TUBA3E: variants seen among roughly 807,000 people sequenced by gnomAD.
The protein encoded by TUBA3E is tubulin alpha-3E chain.
In TUBA3E, 21 loss-of-function variants were observed where a neutral mutation model predicts 36.7. The ratio of observed to expected loss-of-function variants is 0.57; its 90% CI spans 0.41 to 0.83. The LOEUF (loss-of-function observed/expected upper bound fraction) is 0.83, where lower values mean the gene tolerates loss of function less well. Among genes scored for constraint, TUBA3E ranks in the 40% least tolerant of loss-of-function variants. The pLI is 0.00. For missense variants in TUBA3E, 469 were observed against 604.2 expected (o/e 0.78, Z 2.35); for synonymous variants, 177 against 241.9 (o/e 0.73, Z 2.49).
chr2:130,194,998 G>A (rs1273221225), intron 3 of TUBA3E, 81 bp downstream of exon 3: 2 of 1,582,008 alleles, frequency 1.3e-6, no homozygotes, highest in African/African-American at 2.7e-5. Flanking sequence ...TCTAAGTGTT[G>A]ATAAAATGAC....
At chr2:130,195,371 G>A (rs957377523) in intron 2 of TUBA3E, 144 bp from the exon 3 acceptor site, 3 of 1,292,484 alleles carry the variant, frequency 2.3e-6, no homozygotes, top group African/African-American at 3.0e-5. Context: ...GGCAGTGTCT[G>A]GTAGAAAATG....
chr2:130,198,376 T>C lies in TUBA3E; in HGVS notation c.-16A>G. 2.2e-6 allele frequency: 3 copies of C among 1,357,062 alleles called. 1 individual carries two copies. The highest frequency in any genetic ancestry group is 1.3e-5 in the South Asian group (1 of 75,356). The allele number at this position is 1,357,062 out of a possible 1,614,324, so 84.1% of individuals were successfully genotyped here. ...GTCTTACCATGGCGAACTCCGCTGC[T>C]TCAGCCCAACGCTACTTCCAGACCT... On this transcript the variant is annotated 5_prime_UTR_variant, in exon 1 of 5. Coordinates refer to ENST00000312988, the MANE Select transcript of TUBA3E (RefSeq NM_207312.3).
At position 130,192,114 on chromosome 2, in the gene TUBA3E, T is replaced by C. The variant is rs747905324; in HGVS notation, c.1070A>G (p.Tyr357Cys). 3 of 1,595,864 alleles carry C rather than the reference T, an allele frequency of 1.9e-6. No homozygotes were observed. The highest frequency in any genetic ancestry group is 2.6e-6 in the Non-Finnish European group (3 of 1,170,192). ...CPTGFKVGIN[Y>C]QPPTVVPGGD... ...CCCGGGGACCACTGTGGGGGGCTGGTAGTTAATGCCCACCTGCCAGAGAAG... is the reference window on the plus strand; with the variant it reads ...CCCGGGGACCACTGTGGGGGGCTGGCAGTTAATGCCCACCTGCCAGAGAAG... Residue 357 changes from tyrosine to cysteine, a missense_variant, in exon 5 of 5, where the codon TAC (tyrosine) becomes TGC (cysteine). By Grantham distance (194) the Tyr-to-Cys change is radical. This residue lies in a region of TUBA3E where 296 missense variants were observed against 346.9 expected (regional missense o/e 0.85). Coordinates refer to ENST00000312988, the MANE Select transcript of TUBA3E (RefSeq NM_207312.3).
intron 1 of TUBA3E, 63 bp from the exon 2 acceptor site, chr2:130,196,434 G>T: frequency 6.4e-7 from 1 of 1,568,516 alleles, no homozygotes; most frequent in Non-Finnish European, 8.6e-7. Flanking sequence ...TATATGGCAT[G>T]CAAAATATTC....
intron 3 of TUBA3E, among the ~76,000 whole-genome samples, chr2:130,194,765 C>T (rs1337647216): frequency 1.3e-5 from 2 of 152,160 alleles, no homozygotes; most frequent in African/African-American, 4.8e-5. Flanking sequence ...GCAACCTCCA[C>T]CTTCCGAGTT....
intron 2 of TUBA3E, among the ~76,000 whole-genome samples, chr2:130,195,653 G>A (rs2104753621): frequency 1.3e-5 from 2 of 152,352 alleles, no homozygotes; most frequent in Admixed American, 1.3e-4. Context: ...AGGCTTTCAG[G>A]TGATGCTGTC....
In TUBA3E at chr2:130,192,030, G is replaced by A. The variant is rs781384429; in HGVS notation, c.1154C>T (p.Ala385Val). The change falls in exon 5 of 5, where the codon GCG becomes GTG. Residue 385 changes from alanine (A) to valine (V), a missense_variant. This residue lies in a region of TUBA3E where 296 missense variants were observed against 346.9 expected (regional missense o/e 0.85). Transcript: ENST00000312988. ...ATGGACCAGGCGGGCCCAGGCCTCC[G>A]CAATGGCCGTGGTGTTGCTCAGCAT... is the stretch of plus-strand genomic sequence containing the variant. ...VCMLSNTTAI[A>V]EAWARLVHKF... 113 of 1,614,036 alleles carry A rather than the reference G, an allele frequency of 7.0e-5. 1 individual carries two copies. The South Asian group carries it at 1.1e-3, about 15-fold the overall frequency.
chr2:130,195,319 T>C, intron 2 of TUBA3E, 92 bp from the exon 3 acceptor site: 1 of 1,524,376 alleles, frequency 6.6e-7, no homozygotes, highest in Non-Finnish European at 8.8e-7. Flanking sequence ...ACAGAGCACA[T>C]GCTGTTCAAA....
At position 130,195,889 on chromosome 2, in the gene TUBA3E, GC is replaced by G. The variant is rs996541435; in HGVS notation, c.226+259del. ...GGGCCACCTGAGCAGGGCTGAGGCA[GC>G]CATGAGGGAATCTCTTCACAGCCCA... On this transcript the variant is annotated intron_variant, in intron 2 of 4. Coordinates refer to ENST00000312988, the MANE Select transcript of TUBA3E (RefSeq NM_207312.3). 1.2e-4 allele frequency among the ~76,000 whole-genome samples: 18 copies of G among 152,178 alleles called. 1 individual carries two copies. The highest frequency in any genetic ancestry group is 4.3e-4 in the African/African-American group (18 of 41,432).
intron 4 of TUBA3E, 39 bp from the exon 5 acceptor site, chr2:130,192,166 T>C (rs1470808343): frequency 1.3e-6 from 2 of 1,563,924 alleles, no homozygotes; most frequent in South Asian, 1.2e-5. Context: ...GTGAAGCTTA[T>C]ATCAAACCTA....
intron 4 of TUBA3E, among the ~76,000 whole-genome samples, chr2:130,192,491 G>A (rs985696087): frequency 6.6e-6 from 1 of 152,186 alleles, no homozygotes; most frequent in Non-Finnish European, 1.5e-5. Context: ...CACCCAGATA[G>A]ATTCAGAGTA....
At position 130,191,912 on chromosome 2, in the gene TUBA3E, G is replaced by T; in HGVS notation, c.1272C>A (p.Asp424Glu). Reference protein sequence around the residue: ...EEGEFSEAREDLAALEKDCEE... With the variant: ...EEGEFSEAREELAALEKDCEE... ...CACAATCCTTCTCTAGAGCTGCCAG[G>T]TCCTCGCGGGCCTCAGAGAACTCTC... The change falls in exon 5 of 5, where the codon GAC (aspartate) becomes GAA (glutamate). Residue 424 changes from aspartate (D) to glutamate (E), a missense_variant. Asp to Glu is a conservative substitution (Grantham distance 45, BLOSUM62 2). Coordinates refer to ENST00000312988, the MANE Select transcript of TUBA3E (RefSeq NM_207312.3). 3 of 1,614,058 alleles carry T rather than the reference G, an allele frequency of 1.9e-6. No individual in the cohort carries two copies. The highest frequency in any genetic ancestry group is 2.5e-6 in the Non-Finnish European group (3 of 1,180,036).
chr2:130,196,470 A>C, intron 1 of TUBA3E, 99 bp from the exon 2 acceptor site: 1 of 1,483,928 alleles, frequency 6.7e-7, no homozygotes. Flanking sequence ...ATAGTGCTTC[A>C]GTATCTGGCG....
rs369205094 is a variant in TUBA3E, at chr2:130,194,485, C to T, written c.376-19G>A. 24 of 1,519,832 alleles carry T rather than the reference C, an allele frequency of 1.6e-5. 1 individual carries two copies. The highest frequency in any genetic ancestry group is 6.9e-5 in the African/African-American group (5 of 72,512). The allele number at this position is 1,519,832 out of a possible 1,614,324, so 94.1% of individuals were successfully genotyped here. On this transcript the variant is annotated intron_variant, in intron 3 of 4. Coordinates refer to ENST00000312988, the MANE Select transcript of TUBA3E (RefSeq NM_207312.3). Reference sequence around the variant, plus strand: ...GATCCGCCTGAGAGAAACCAGACAACGTGAGCCAATGCCCGTGGAAGCCAC... The same window carrying T: ...GATCCGCCTGAGAGAAACCAGACAATGTGAGCCAATGCCCGTGGAAGCCAC...
intron 1 of TUBA3E, among the ~76,000 whole-genome samples, chr2:130,197,623 T>A (rs60145821): frequency 8.6e-5 from 11 of 127,284 alleles, no homozygotes; most frequent in African/African-American, 3.0e-4. Flanking sequence ...TTTTGTTTGG[T>A]TTTTTGAGGC....
In TUBA3E at chr2:130,194,753, C is replaced by T. The variant is rs2313998; in HGVS notation, c.376-287G>A. 3.3e-5 allele frequency among the ~76,000 whole-genome samples: 5 copies of T among 152,270 alleles called. 1 individual carries two copies. Among genetic ancestry groups the T allele is most frequent in the South Asian group, 4.1e-4 (2 of 4,820 alleles). On this transcript the variant is annotated intron_variant, in intron 3 of 4. Coordinates refer to ENST00000312988, the MANE Select transcript of TUBA3E (RefSeq NM_207312.3). ...AGTGCAGTGGTGCAATCTCAGCTCA[C>T]TGCAACCTCCACCTTCCGAGTTCAA...
chr2:130,192,364 T>C (rs1425926299), intron 4 of TUBA3E, among the ~76,000 whole-genome samples: 3 of 152,190 alleles, frequency 2.0e-5, no homozygotes, highest in Non-Finnish European at 4.4e-5. Context: ...TAAAGGGCTG[T>C]GTCCTAGTAC....
At chr2:130,195,428 C>A (rs1191055478) in intron 2 of TUBA3E, among the ~76,000 whole-genome samples, 7 of 152,224 alleles carry the variant, frequency 4.6e-5, no homozygotes, top group South Asian at 2.1e-4. Context: ...GACTCTACGA[C>A]GTTAAACTCA....
In TUBA3E at chr2:130,196,037, T is replaced by C. The variant is rs919868829; in HGVS notation, c.226+112A>G. The stretch of plus-strand genomic sequence containing the variant: ...CTCTCCTAACAATGCCATGGGCATA[T>C]GCCTGTCTATCCCATCCTTTCAGCA... On this transcript the variant is annotated intron_variant, in intron 2 of 4. Coordinates refer to ENST00000312988, the MANE Select transcript of TUBA3E (RefSeq NM_207312.3). 10 of 1,364,380 alleles carry C rather than the reference T, an allele frequency of 7.3e-6. No individual in the cohort carries two copies. The African/African-American group carries it at 1.2e-4, about 16-fold the overall frequency. 84.5% of individuals were successfully genotyped at this position (1,364,380 alleles called of 1,614,324 possible). A position where few individuals can be genotyped will look rare whatever the true frequency, so the allele number is the denominator to read the frequency against.
Sources: allele counts gnomAD v4.1 joint callset (sites outside exome capture counted in the v4.1 genomes callset), GRCh38; gene constraint gnomAD v4.1.1; regional missense constraint gnomAD v4.1.1; transcripts MANE v1.5; gene names NCBI Gene and HGNC (gene_info 2026-07-23, HGNC 2026-07-21).